ROS1: variants seen among roughly 807,000 people sequenced by gnomAD.
ROS1 encodes the protein ROS proto-oncogene 1, receptor tyrosine kinase, also known as proto-oncogene tyrosine-protein kinase ROS.
In ROS1, 263 loss-of-function variants were observed where a neutral mutation model predicts 273.5. The observed-to-expected ratio is 0.96, with a 90% CI of 0.87 to 1.06. The LOEUF (loss-of-function observed/expected upper bound fraction) is 1.06. ROS1 is among the 50% of genes least tolerant of loss of function. The probability of loss-of-function intolerance (pLI) is 0.00; values close to 1 mark genes in which losing one functional copy is unlikely to be tolerated. For missense variants in ROS1, 2,833 were observed against 2,751.1 expected (o/e 1.03, Z -0.67); for synonymous variants, 1,008 against 954.1 (o/e 1.06, Z -1.04).
At chr6:117,329,280 T>A (rs754844781) in intron 33 of ROS1, 49 bp downstream of exon 33, 1 of 840,466 alleles carries the variant, frequency 1.2e-6, no homozygotes, top group East Asian at 2.5e-5. Context: ...ACTTTATAAT[T>A]ATCTTCTTAG....
chr6:117,341,228 A>C lies in ROS1; in HGVS notation c.4968T>G (p.Pro1656=), dbSNP rs780702994. ...TAGTGTTCTCTGGAACCAAGGAATA[A>C]GGTTTCTCTGGTGTGTTAAACATTT... ...TVEMFNTPEK[P]YSLVPENTSL... Residue 1656 remains proline, a synonymous_variant, in exon 31 of 44, where the codon CCT becomes CCG. Transcript: ENST00000368507. 12 of 1,613,252 alleles carry C rather than the reference A, an allele frequency of 7.4e-6. No homozygotes were observed. Among genetic ancestry groups the C allele is most frequent in the Admixed American group, 1.7e-5 (1 of 59,970 alleles).
intron 18 of ROS1, among the ~76,000 whole-genome samples, chr6:117,371,952 AC>A (rs1338488939): frequency 2.6e-5 from 4 of 152,148 alleles, no homozygotes; most frequent in African/African-American, 9.6e-5. Context: ...GACATGCCTA[AC>A]CCTGCCCCAA....
At chr6:117,395,687 A>C (rs1456411481) in intron 9 of ROS1, among the ~76,000 whole-genome samples, 1 of 152,206 alleles carries the variant, frequency 6.6e-6, no homozygotes, top group Non-Finnish European at 1.5e-5. Context: ...CAAAGCCAAA[A>C]AGAAAGGGTG....
In ROS1 at chr6:117,329,403, C is replaced by T. The variant is rs563125455; in HGVS notation, c.5274G>A (p.Gly1758=). ...TCTCCCACTGTATTGAATTTTTACT[C>T]CCTTCTAGTAATTTGGGAATGCCTG... ...NKPGIPKLLE[G]SKNSIQWEKA... is the part of the protein sequence containing the mutation. The change falls in exon 33 of 44, where the codon GGG becomes GGA. Residue 1758 remains glycine, a synonymous_variant. Coordinates refer to ENST00000368507, the MANE Select transcript of ROS1 (RefSeq NM_001378902.1). The T allele has an allele frequency of 1.1e-5, 17 of 1,602,806 alleles. No homozygotes were observed. The Admixed American group carries it at 2.5e-4, about 24-fold the overall frequency.
chr6:117,406,183 A>G (rs1365960024), intron 5 of ROS1, among the ~76,000 whole-genome samples: 1 of 152,076 alleles, frequency 6.6e-6, no homozygotes, highest in Non-Finnish European at 1.5e-5. Flanking sequence ...ACACACACAC[A>G]TATACATGCA....
intron 27 of ROS1, among the ~76,000 whole-genome samples, chr6:117,347,000 C>T (rs1024626748): frequency 3.3e-5 from 5 of 152,068 alleles, no homozygotes; most frequent in African/African-American, 1.2e-4. Context: ...ATCAGCCTTC[C>T]CCAACTTTGT....
chr6:117,375,292 A>C (rs56360447), intron 18 of ROS1, among the ~76,000 whole-genome samples: 11,623 of 152,230 alleles, frequency 0.076, 543 homozygotes, highest in Non-Finnish European at 0.097. Context: ...ATTTGGAGTA[A>C]AGGGTGGGAG....
chr6:117,373,497 C>G (rs1015659563), intron 18 of ROS1, among the ~76,000 whole-genome samples: 3 of 152,260 alleles, frequency 2.0e-5, no homozygotes, highest in Admixed American at 6.5e-5. Flanking sequence ...GCTGGGGGAC[C>G]TGGTGCCCCT....
intron 5 of ROS1, among the ~76,000 whole-genome samples, chr6:117,406,140 G>GTCTC (rs887783530): frequency 8.6e-5 from 13 of 150,294 alleles, no homozygotes; most frequent in Non-Finnish European, 1.5e-5. Flanking sequence ...ATGAGACTCT[G>GTCTC]TCTCTCTCTC....
chr6:117,363,296 T>C (rs1183452625), intron 21 of ROS1, among the ~76,000 whole-genome samples: 8 of 152,164 alleles, frequency 5.3e-5, no homozygotes, highest in Non-Finnish European at 1.2e-4. Context: ...GTTCAGGTTG[T>C]AAAACACAGC....
intron 4 of ROS1, among the ~76,000 whole-genome samples, chr6:117,414,068 G>A (rs1775145654): frequency 1.3e-5 from 2 of 152,084 alleles, no homozygotes; most frequent in African/African-American, 2.4e-5. Context: ...AAGAAAGAAA[G>A]TTGCAATTAA....
chr6:117,325,042 T>C (rs1776536770), intron 34 of ROS1, among the ~76,000 whole-genome samples: 1 of 152,154 alleles, frequency 6.6e-6, no homozygotes, highest in East Asian at 1.9e-4. Flanking sequence ...AGAGATCACA[T>C]GTAGCCTGCA....
chr6:117,385,251 A>C (rs80257418), intron 16 of ROS1, among the ~76,000 whole-genome samples: 7,693 of 152,272 alleles, frequency 0.051, 274 homozygotes, highest in East Asian at 0.12. Flanking sequence ...TTACAAAAAA[A>C]CATATTTTAA....
chr6:117,323,689 T>A (rs1243661437), intron 35 of ROS1, among the ~76,000 whole-genome samples: 2 of 152,294 alleles, frequency 1.3e-5, no homozygotes, highest in Non-Finnish European at 1.5e-5. Flanking sequence ...TTTGAGGTTT[T>A]TACTGCATTT....
intron 2 of ROS1, 33 bp downstream of exon 2, chr6:117,418,429 G>C (rs1481144028): frequency 6.8e-7 from 1 of 1,478,894 alleles, no homozygotes; most frequent in Admixed American, 1.9e-5. Context: ...CACAAACATT[G>C]TAATATTCTT....
rs1055342561 is a variant in ROS1, at chr6:117,288,016, T to C, written c.*476A>G. On this transcript the variant is annotated 3_prime_UTR_variant, in exon 44 of 44. Coordinates refer to ENST00000368507, the MANE Select transcript of ROS1 (RefSeq NM_001378902.1). ...AAGTCACAGGTGCTGGTTTCTTCTGTATGTGTGAAATTATTTCTCATTTCC... is the reference window on the plus strand; with the variant it reads ...AAGTCACAGGTGCTGGTTTCTTCTGCATGTGTGAAATTATTTCTCATTTCC... 1.3e-5 allele frequency among the ~76,000 whole-genome samples: 2 copies of C among 152,186 alleles called. No homozygotes were observed. The highest frequency in any genetic ancestry group is 1.3e-4 in the Admixed American group (2 of 15,278).
rs375420861 is a variant in ROS1, at chr6:117,288,480, C to G, written c.*12G>C. On this transcript the variant is annotated 3_prime_UTR_variant, in exon 44 of 44. Transcript: ENST00000368507. ...GTGTTTATCTCAACTCTCTATTTCC[C>G]AAACAACGCTATTAATCAGACCCAT... 31 of 1,593,148 alleles carry G rather than the reference C, an allele frequency of 1.9e-5. No homozygotes were observed. The highest frequency in any genetic ancestry group is 2.6e-5 in the Non-Finnish European group (30 of 1,171,176).
At chr6:117,408,892 T>C (rs538781617) in intron 5 of ROS1, among the ~76,000 whole-genome samples, 43 of 152,176 alleles carry the variant, frequency 2.8e-4, no homozygotes, top group African/African-American at 1.0e-3. Context: ...CCATAAAAAA[T>C]GATGAGTTCC....
intron 27 of ROS1, 105 bp from the exon 28 acceptor site, chr6:117,344,367 G>A (rs958293936): frequency 3.8e-5 from 28 of 735,684 alleles, no homozygotes; most frequent in Non-Finnish European, 1.3e-5. Flanking sequence ...GAAATTTGTA[G>A]AGCATACATA....
Sources: allele counts gnomAD v4.1 joint callset (sites outside exome capture counted in the v4.1 genomes callset), GRCh38; gene constraint gnomAD v4.1.1; transcripts MANE v1.5; gene names NCBI Gene and HGNC (gene_info 2026-07-23, HGNC 2026-07-21).